PSAPL1: variants seen among roughly 807,000 people sequenced by gnomAD.
PSAPL1 encodes the protein prosaposin like 1.
For missense variants in PSAPL1, 814 were observed against 688.8 expected, an observed-to-expected ratio of 1.18 and a Z score of -2.03; for synonymous variants, 351 against 291.6, an observed-to-expected ratio of 1.20 and a Z score of -2.08.
chr4:7,434,129 C>A lies in PSAPL1; in HGVS notation c.751G>T (p.Gly251Trp), dbSNP rs565690935. 1.1e-5 allele frequency: 18 copies of A among 1,613,132 alleles called. No homozygotes were observed. In the East Asian group the frequency reaches 2.2e-4, roughly 20 times the overall value. ...GCCCCTAGCTCCTCACAGAATCCCC[C>A]CTTCCTGCAGAGCTCCTGCGGGGGG... ...LLPPQELCRK[G>W]GFCEELGAPA... Residue 251 changes from glycine (G) to tryptophan (W), a missense_variant, in exon 1 of 1, where the codon GGG becomes TGG. Transcript: ENST00000319098.
Position 7,431,017 on chromosome 4 carries a change from G to C in PSAPL1, c.*2297C>G, listed in dbSNP as rs575319026. 2 of 152,402 alleles carry C rather than the reference G, an allele frequency of 1.3e-5. No homozygotes were observed. The highest frequency in any genetic ancestry group is 4.8e-5 in the African/African-American group (2 of 41,576). 9.4% of individuals were successfully genotyped at this position (152,402 alleles called of 1,614,324 possible). On this transcript the variant is annotated 3_prime_UTR_variant, in exon 1 of 1. Coordinates refer to ENST00000319098, the MANE Select transcript of PSAPL1 (RefSeq NM_001085382.2). Reference sequence around the variant, plus strand: ...CTCCTGTGTTCCGGGCTTGGTTCCGGGCACAGGGGATGGAGGTGACTGAGA... The same window carrying C: ...CTCCTGTGTTCCGGGCTTGGTTCCGCGCACAGGGGATGGAGGTGACTGAGA...
Position 7,434,224 on chromosome 4 carries a change from C to T in PSAPL1, c.656G>A (p.Gly219Asp), listed in dbSNP as rs1298954165. 1 of 1,613,648 alleles carries T rather than the reference C, an allele frequency of 6.2e-7. No individual in the cohort carries two copies. The highest frequency in any genetic ancestry group is 1.6e-4 in the Middle Eastern group (1 of 6,062). Reference protein sequence around the residue: ...IQEQCESLGPGLAVLCKNYLF... With the variant: ...IQEQCESLGPDLAVLCKNYLF... ...GTAGTTCTTGCAGAGGACGGCCAGGCCAGGCCCCAAGGACTCACACTGCTC... is the reference window on the plus strand; with the variant it reads ...GTAGTTCTTGCAGAGGACGGCCAGGTCAGGCCCCAAGGACTCACACTGCTC... The change falls in exon 1 of 1, where the codon GGC (glycine) becomes GAC (aspartate). Residue 219 changes from glycine to aspartate, a missense_variant. Transcript: ENST00000319098.
At position 7,433,531 on chromosome 4, in the gene PSAPL1, A is replaced by G. The variant is rs201904662; in HGVS notation, c.1349T>C (p.Ile450Thr). Residue 450 changes from isoleucine (I) to threonine (T), a missense_variant, in exon 1 of 1, where the codon ATT becomes ACT. By Grantham distance (89) the Ile-to-Thr change is moderately conservative. Coordinates refer to ENST00000319098, the MANE Select transcript of PSAPL1 (RefSeq NM_001085382.2). ...HFVTQYEPVL[I>T]ESLKDMMDPV... Reference sequence around the variant, plus strand: ...GTCCATCATGTCCTTGAGACTCTCAATGAGCACGGGCTCGTACTGGGTGAC... The same window carrying G: ...GTCCATCATGTCCTTGAGACTCTCAGTGAGCACGGGCTCGTACTGGGTGAC... 2.7e-4 allele frequency: 433 copies of G among 1,609,694 alleles called. No homozygotes were observed. The highest frequency in any genetic ancestry group is 9.6e-4 in the Admixed American group (57 of 59,508).
rs770049016 is a variant in PSAPL1 at position 7,430,493 on chromosome 4, C to T, written c.*2821G>A. 6.6e-6 allele frequency: 1 copy of T among 152,242 alleles called. No homozygotes were observed. Among genetic ancestry groups the T allele is most frequent in the Non-Finnish European group, 1.5e-5 (1 of 68,066 alleles). 9.4% of individuals were successfully genotyped at this position (152,242 alleles called of 1,614,324 possible). On this transcript the variant is annotated 3_prime_UTR_variant, in exon 1 of 1. Transcript: ENST00000319098. ...GCCGAGAAAGCCCGAGGGGCAGCAT[C>T]CATAGGTGTTCTGGGACGTCCCAGG...
chr4:7,434,016 C>T lies in PSAPL1; in HGVS notation c.864G>A (p.Met288Ile). The change falls in exon 1 of 1, where the codon ATG (methionine) becomes ATA (isoleucine). Residue 288 changes from methionine (M) to isoleucine (I), a missense_variant. Transcript: ENST00000319098. ...ACACCTCACAGGTCACACCGGCCTT[C>T]ATCTGCATCTCGCTCTGTTTCCTTG... ...GLPRKQSEMQ[M>I]KAGVTCEVCM... 6.2e-7 allele frequency: 1 copy of T among 1,612,448 alleles called. No individual in the cohort carries two copies. The highest frequency in any genetic ancestry group is 8.5e-7 in the Non-Finnish European group (1 of 1,178,706).
the PSAPL1 span, chr4:7,434,547 CACCA>C: frequency 6.2e-7 from 1 of 1,613,352 alleles, no homozygotes. Flanking sequence ...TGTGGGCATC[CACCA>C]TCCACTTGCA....
chr4:7,433,383 G>T, the PSAPL1 span: 1 of 1,491,524 alleles, frequency 6.7e-7, no homozygotes. Flanking sequence ...GCACAGCGTT[G>T]CACAGCTTGG....
At position 7,434,498 on chromosome 4, in the gene PSAPL1, T is replaced by G. The variant is rs1727146591; in HGVS notation, c.382A>C (p.Ser128Arg). ...ILSMLRGAPD[S>R]APAQVCTALS... ...GCTGTGCACACCTGTGCCGGGGCAC[T>G]GTCCGGGGCCCCACGGAGCATGCTC... Residue 128 changes from serine (S) to arginine (R), a missense_variant, in exon 1 of 1, where the codon AGT (serine) becomes CGT (arginine). Transcript: ENST00000319098. The G allele has an allele frequency of 6.2e-7, 1 of 1,612,354 alleles. No individual in the cohort carries two copies.
rs1425949055 is a variant in PSAPL1, at chr4:7,434,409, G to A, written c.471C>T (p.Asp157=). Residue 157 remains aspartate (D), a synonymous_variant, in exon 1 of 1, where the codon GAC becomes GAT. Transcript: ENST00000319098. ...LATLRPLSKE[D]TFEAVAPFMA... ...TGAACGGAGCCACAGCCTCAAAGGT[G>A]TCCTCTTTGGAGAGTGGCCTCAGGG... The A allele has an allele frequency of 2.5e-6, 4 of 1,608,204 alleles. No individual in the cohort carries two copies. Among genetic ancestry groups the A allele is most frequent in the Non-Finnish European group, 3.4e-6 (4 of 1,177,996 alleles).
At position 7,433,763 on chromosome 4, in the gene PSAPL1, G is replaced by A. The variant is rs751086380; in HGVS notation, c.1117C>T (p.Arg373Trp). The change falls in exon 1 of 1, where the codon CGG becomes TGG. Residue 373 changes from arginine to tryptophan, a missense_variant. Physicochemically the swap from Arg to Trp is moderately radical, Grantham distance 101. Coordinates refer to ENST00000319098, the MANE Select transcript of PSAPL1 (RefSeq NM_001085382.2). Reference sequence around the variant, plus strand: ...ATGGCATAGGCATCATGGACTGCCCGGGCCCGCCTCCGGTTGCCACACAGA... The same window carrying A: ...ATGGCATAGGCATCATGGACTGCCCAGGCCCGCCTCCGGTTGCCACACAGA... ...IRLCGNRRRA[R>W]AVHDAYAIVP... 98 of 1,613,182 alleles carry A rather than the reference G, an allele frequency of 6.1e-5. 1 individual carries two copies. Among genetic ancestry groups the A allele is most frequent in the Middle Eastern group, 1.6e-4 (1 of 6,084 alleles).
Position 7,434,653 on chromosome 4 carries a change from T to C in PSAPL1, c.227A>G (p.Asn76Ser), listed in dbSNP as rs749774237. Reference protein sequence around the residue: ...VCQDIAAAAGNGLNPDATESD... With the variant: ...VCQDIAAAAGSGLNPDATESD... ...CTCCGTGGCGTCAGGGTTCAGCCCATTGCCAGCGGCGGCTGCTATGTCCTG... is the reference window on the plus strand; with the variant it reads ...CTCCGTGGCGTCAGGGTTCAGCCCACTGCCAGCGGCGGCTGCTATGTCCTG... Residue 76 changes from asparagine to serine, a missense_variant, in exon 1 of 1, where the codon AAT (asparagine) becomes AGT (serine). Asn to Ser is a conservative substitution (Grantham distance 46, BLOSUM62 1). Coordinates refer to ENST00000319098, the MANE Select transcript of PSAPL1 (RefSeq NM_001085382.2). 3.7e-6 allele frequency: 6 copies of C among 1,613,302 alleles called. No individual in the cohort carries two copies. The highest frequency in any genetic ancestry group is 3.3e-5 in the South Asian group (3 of 90,864).
rs769676058 is a variant in PSAPL1 at position 7,433,667 on chromosome 4, C to T, written c.1213G>A (p.Val405Met). Residue 405 changes from valine (V) to methionine (M), a missense_variant, in exon 1 of 1, where the codon GTG (valine) becomes ATG (methionine). Transcript: ENST00000319098. ...FCNGCKRLLT[V>M]SSHNLESKST... ...TTGCTCTCCAAGTTGTGGGAGGACACCGTGAGCAGCCTCTTGCACCCATTG... is the reference window on the plus strand; with the variant it reads ...TTGCTCTCCAAGTTGTGGGAGGACATCGTGAGCAGCCTCTTGCACCCATTG... 1.9e-6 allele frequency: 3 copies of T among 1,609,702 alleles called. No homozygotes were observed. The highest frequency in any genetic ancestry group is 2.5e-6 in the Non-Finnish European group (3 of 1,177,346).
At position 7,434,396 on chromosome 4, in the gene PSAPL1, C is replaced by T. The variant is rs1207488744; in HGVS notation, c.484G>A (p.Val162Met). Residue 162 changes from valine to methionine, a missense_variant, in exon 1 of 1, where the codon GTG becomes ATG. Transcript: ENST00000319098. Reference sequence around the variant, plus strand: ...GGCCCATTGGCCATGAACGGAGCCACAGCCTCAAAGGTGTCCTCTTTGGAG... The same window carrying T: ...GGCCCATTGGCCATGAACGGAGCCATAGCCTCAAAGGTGTCCTCTTTGGAG... ...PLSKEDTFEA[V>M]APFMANGPLT... The T allele has an allele frequency of 4.4e-6, 7 of 1,607,608 alleles. No individual in the cohort carries two copies. The highest frequency in any genetic ancestry group is 5.1e-6 in the Non-Finnish European group (6 of 1,177,712).
chr4:7,434,787 C>A lies in PSAPL1; in HGVS notation c.93G>T (p.Thr31=). 1 of 1,611,486 alleles carries A rather than the reference C, an allele frequency of 6.2e-7. No homozygotes were observed. Among genetic ancestry groups the A allele is most frequent in the South Asian group, 1.1e-5 (1 of 90,502 alleles). Residue 31 remains threonine, a synonymous_variant, in exon 1 of 1, where the codon ACG becomes ACT. Coordinates refer to ENST00000319098, the MANE Select transcript of PSAPL1 (RefSeq NM_001085382.2). The part of the protein sequence containing the change: ...SGPQECAKGS[T]VWCQDLQTAA... ...CTGTCTGCAGATCCTGACACCACAC[C>A]GTGGAGCCCTTTGCACACTCCTGGG...
In PSAPL1 at chr4:7,433,882, G is replaced by A. The variant is rs746234874; in HGVS notation, c.998C>T (p.Thr333Met). The change falls in exon 1 of 1, where the codon ACG (threonine) becomes ATG (methionine). Residue 333 changes from threonine (T) to methionine (M), a missense_variant. By Grantham distance (81) the Thr-to-Met change is moderately conservative. Coordinates refer to ENST00000319098, the MANE Select transcript of PSAPL1 (RefSeq NM_001085382.2). ...RVCSVMPASITKECIILVDTY... is the reference protein window; with the variant it reads ...RVCSVMPASIMKECIILVDTY... ...GTCCACCAAGATGATGCACTCCTTC[G>A]TGATAGAGGCAGGCATTACCGAGCA... 3.0e-5 allele frequency: 49 copies of A among 1,613,776 alleles called. No individual in the cohort carries two copies. Among genetic ancestry groups the A allele is most frequent in the African/African-American group, 6.7e-5 (5 of 74,910 alleles).
At position 7,430,513 on chromosome 4, in the gene PSAPL1, C is replaced by A. The variant is rs1188068888; in HGVS notation, c.*2801G>T. 1 of 152,264 alleles carries A rather than the reference C, an allele frequency of 6.6e-6. No homozygotes were observed. The highest frequency in any genetic ancestry group is 1.5e-5 in the Non-Finnish European group (1 of 68,052). The allele number at this position is 152,264 out of a possible 1,614,324, so 9.4% of individuals were successfully genotyped here. On this transcript the variant is annotated 3_prime_UTR_variant, in exon 1 of 1. Coordinates refer to ENST00000319098, the MANE Select transcript of PSAPL1 (RefSeq NM_001085382.2). ...AGCATCCATAGGTGTTCTGGGACGT[C>A]CCAGGCCTCCGCCTTACGATGGCAT...
rs764480238 is a variant in PSAPL1, at chr4:7,433,891, G to T, written c.989C>A (p.Ala330Asp). 6.2e-7 allele frequency: 1 copy of T among 1,613,780 alleles called. No homozygotes were observed. Among genetic ancestry groups the T allele is most frequent in the African/African-American group, 1.3e-5 (1 of 74,920 alleles). ...GATGATGCACTCCTTCGTGATAGAG[G>T]CAGGCATTACCGAGCACACGCGCTC... Reference protein sequence around the residue: ...ALERVCSVMPASITKECIILV... With the variant: ...ALERVCSVMPDSITKECIILV... Residue 330 changes from alanine to aspartate, a missense_variant, in exon 1 of 1, where the codon GCC (alanine) becomes GAC (aspartate). Transcript: ENST00000319098.
At position 7,433,716 on chromosome 4, in the gene PSAPL1, G is replaced by A. The variant is rs6843370; in HGVS notation, c.1164C>T (p.Asp388=). 0.15 allele frequency: 239,116 copies of A among 1,612,862 alleles called. 18,938 individuals carry two copies. Among genetic ancestry groups the A allele is most frequent in the Non-Finnish European group, 0.16 (189,084 of 1,179,572 alleles). ...AYAIVPSPEW[D]AENQGSFCNG... ...TGCAGAAGCTGCCCTGGTTCTCCGC[G>A]TCCCACTCTGGGGACGGCACGATGG... Residue 388 remains aspartate, a synonymous_variant, in exon 1 of 1, where the codon GAC becomes GAT. Coordinates refer to ENST00000319098, the MANE Select transcript of PSAPL1 (RefSeq NM_001085382.2).
In PSAPL1 at chr4:7,434,731, T is replaced by G. The variant is rs1345267929; in HGVS notation, c.149A>C (p.Gln50Pro). The G allele has an allele frequency of 1.9e-6, 3 of 1,613,196 alleles. No homozygotes were observed. In the East Asian group the frequency reaches 6.7e-5, roughly 36 times the overall value. Residue 50 changes from glutamine (Q) to proline (P), a missense_variant, in exon 1 of 1, where the codon CAA becomes CCA. By Grantham distance (76) the Gln-to-Pro change is moderately conservative. Transcript: ENST00000319098. ...AARCGAVGYC[Q>P]GAVWNKPTAK... ...GGTGGGTTTGTTCCATACGGCCCCTTGGCAGTACCCCACAGCCCCGCACCT... is the reference window on the plus strand; with the variant it reads ...GGTGGGTTTGTTCCATACGGCCCCTGGGCAGTACCCCACAGCCCCGCACCT...
Sources: gnomAD v4.1 joint callset for allele counts on GRCh38, gnomAD v4.1.1 for gene constraint, MANE v1.5 for transcripts, NCBI Gene and HGNC (gene_info 2026-07-23, HGNC 2026-07-21) for gene names.